MOSPD2: variants seen among roughly 807,000 people sequenced by gnomAD.
MOSPD2 encodes motile sperm domain containing 2, also known as motile sperm domain-containing protein 2.
A neutral mutation model predicts 41.7 loss-of-function variants in MOSPD2; 5 were observed. The ratio of observed to expected loss-of-function variants is 0.12; its 90% CI spans 0.06 to 0.25. The LOEUF (loss-of-function observed/expected upper bound fraction) is 0.25, where lower values mean the gene tolerates loss of function less well. Among genes scored for constraint, MOSPD2 ranks in the 10% least tolerant of loss-of-function variants. The probability of loss-of-function intolerance (pLI) is 1.00; values close to 1 mark genes in which losing one functional copy is unlikely to be tolerated. For missense variants in MOSPD2, 282 were observed against 375.2 expected, an observed-to-expected ratio of 0.75 and a Z score of 2.05; for synonymous variants, 115 against 126.9, an observed-to-expected ratio of 0.91 and a Z score of 0.63.
At chrX:14,886,546 CGAGAGAGAGAGA>C (rs138780913) in intron 2 of MOSPD2, among the ~76,000 whole-genome samples, 2,218 of 101,854 alleles carry the variant, frequency 0.022, 63 homozygotes, top group African/African-American at 0.074. Flanking sequence ...CGCACACACA[CGAGAGAGAGAGA>C]GAGAGAGAGA....
intron 2 of MOSPD2, among the ~76,000 whole-genome samples, chrX:14,882,612 A>G (rs753295427): frequency 5.4e-5 from 6 of 111,690 alleles, no homozygotes; most frequent in African/African-American, 1.9e-4. Flanking sequence ...ATTTTTGTCA[A>G]TTAAATTAAT....
At chrX:14,914,669 T>C in intron 11 of MOSPD2, 70 bp downstream of exon 11, 1 of 632,757 alleles carries the variant, frequency 1.6e-6, no homozygotes, top group Non-Finnish European at 2.4e-6. Flanking sequence ...AGACATATTC[T>C]AATTGAAAGA....
chrX:14,906,305 AT>A (rs1047128867), intron 7 of MOSPD2, among the ~76,000 whole-genome samples: 1 of 110,710 alleles, frequency 9.0e-6, no homozygotes, highest in African/African-American at 3.3e-5. Flanking sequence ...TGGTCAGTTG[AT>A]TTTTTTTTAC....
chrX:14,878,218 A>G (rs1319896302), intron 2 of MOSPD2, among the ~76,000 whole-genome samples: 2 of 111,500 alleles, frequency 1.8e-5, no homozygotes, highest in African/African-American at 6.5e-5. Context: ...TTATTTCCTT[A>G]AGATTCATGT....
At chrX:14,899,189 A>G (rs2092568236) in intron 5 of MOSPD2, among the ~76,000 whole-genome samples, 1 of 107,661 alleles carries the variant, frequency 9.3e-6, no homozygotes, top group South Asian at 3.9e-4. Flanking sequence ...AAACATCCTT[A>G]TAGAATGCTG....
At position 14,921,077 on chromosome X, in the gene MOSPD2, A is replaced by ATGAG. The variant is rs1482379243; in HGVS notation, c.*1270_*1273dup. On this transcript the variant is annotated 3_prime_UTR_variant, in exon 15 of 15. Transcript: ENST00000380492. The stretch of plus-strand genomic sequence containing the variant: ...ACCTTGCAGTAGCAGAGGCAATGAC[A>ATGAG]TGAGTTTGTTTTCTCATTAATATGA... 2 of 794,276 alleles carry ATGAG rather than the reference A, an allele frequency of 2.5e-6. No homozygotes were observed. Among genetic ancestry groups the ATGAG allele is most frequent in the Middle Eastern group, 6.5e-4 (1 of 1,533 alleles). 65.5% of individuals were successfully genotyped at this position (794,276 alleles called of 1,213,427 possible). A position where few individuals can be genotyped will look rare whatever the true frequency, so the allele number is the denominator to read the frequency against.
At chrX:14,876,695 G>A (rs777670443) in intron 2 of MOSPD2, among the ~76,000 whole-genome samples, 1 of 111,526 alleles carries the variant, frequency 9.0e-6, no homozygotes, top group South Asian at 3.7e-4. Flanking sequence ...CTCTTTATAT[G>A]CCTAATTCTG....
chrX:14,892,614 C>T, intron 2 of MOSPD2, 109 bp from the exon 3 acceptor site: 1 of 593,836 alleles, frequency 1.7e-6, no homozygotes, highest in Non-Finnish European at 2.7e-6. Flanking sequence ...AGTCTATCCT[C>T]AAATAGCTTA....
chrX:14,912,118 A>C (rs1481585319), intron 9 of MOSPD2, 131 bp from the exon 10 acceptor site: 4 of 331,811 alleles, frequency 1.2e-5, no homozygotes, highest in Non-Finnish European at 2.1e-5. Context: ...AAAAATTTAA[A>C]GACTCTTAAG....
chrX:14,919,776 T>C lies in MOSPD2; in HGVS notation c.1524T>C (p.Phe508=). The change falls in exon 15 of 15, where the codon TTT becomes TTC. Residue 508 remains phenylalanine (F), a synonymous_variant. Transcript: ENST00000380492. ...LLSLTMLLLA[F]VTSFFYLLYS ...CCTTAACAATGCTCTTGCTTGCTTT[T>C]GTCACCTCTTTCTTCTATTTATTGT... The C allele has an allele frequency of 8.3e-7, 1 of 1,210,413 alleles. No homozygotes were observed. The highest frequency in any genetic ancestry group is 1.1e-6 in the Non-Finnish European group (1 of 894,488).
In MOSPD2 at chrX:14,920,121, T is replaced by G. The variant is rs1188427661; in HGVS notation, c.*312T>G. 8.1e-6 allele frequency: 6 copies of G among 741,785 alleles called. No individual in the cohort carries two copies. In the African/African-American group the frequency reaches 9.1e-5, roughly 11 times the overall value. 61.1% of individuals were successfully genotyped at this position (741,785 alleles called of 1,213,427 possible). A position where few individuals can be genotyped will look rare whatever the true frequency, so the allele number is the denominator to read the frequency against. ...CTGAATACTTTTAAAGCTTAAGTTTTATCGTGTAAATACATTAGCTAAACT... is the reference window on the plus strand; with the variant it reads ...CTGAATACTTTTAAAGCTTAAGTTTGATCGTGTAAATACATTAGCTAAACT... On this transcript the variant is annotated 3_prime_UTR_variant, in exon 15 of 15. Transcript: ENST00000380492.
chrX:14,892,683 A>T (rs2092556163), intron 2 of MOSPD2, 40 bp from the exon 3 acceptor site: 1 of 1,099,814 alleles, frequency 9.1e-7, no homozygotes, highest in Admixed American at 2.4e-5. Flanking sequence ...TCACTGCAGA[A>T]TTAATCTGAC....
chrX:14,909,654 G>A (rs1288360134), intron 8 of MOSPD2, among the ~76,000 whole-genome samples: 3 of 111,286 alleles, frequency 2.7e-5, no homozygotes, highest in African/African-American at 9.8e-5. Context: ...TACAACTTAT[G>A]GACTTGGTAC....
intron 2 of MOSPD2, among the ~76,000 whole-genome samples, chrX:14,877,845 G>A (rs2092524074): frequency 9.3e-6 from 1 of 107,013 alleles, no homozygotes; most frequent in South Asian, 4.2e-4. Context: ...GCTGGGCGTG[G>A]TGGTGGGCAC....
chrX:14,894,602 C>A (rs1156662786), intron 3 of MOSPD2, among the ~76,000 whole-genome samples: 1 of 110,476 alleles, frequency 9.1e-6, no homozygotes, highest in Admixed American at 9.7e-5. Context: ...AGGCGTGAGC[C>A]ACCACACCCA....
intron 7 of MOSPD2, among the ~76,000 whole-genome samples, chrX:14,906,776 G>C (rs1253212617): frequency 8.9e-6 from 1 of 112,015 alleles, no homozygotes; most frequent in Non-Finnish European, 1.9e-5. Context: ...TGTAATCCTA[G>C]CACTTTGGGA....
chrX:14,890,327 T>C (rs1391710870), intron 2 of MOSPD2, among the ~76,000 whole-genome samples: 1 of 112,255 alleles, frequency 8.9e-6, no homozygotes, highest in African/African-American at 3.2e-5. Context: ...AAAACACTTC[T>C]GCATGCTAAG....
At chrX:14,908,621 G>C (rs1056726168) in intron 7 of MOSPD2, among the ~76,000 whole-genome samples, 2 of 111,570 alleles carry the variant, frequency 1.8e-5, no homozygotes, top group Non-Finnish European at 3.8e-5. Flanking sequence ...GTTTATTAAT[G>C]AACATCAGGG....
At chrX:14,894,387 G>T (rs111893287) in intron 3 of MOSPD2, among the ~76,000 whole-genome samples, 5,388 of 102,912 alleles carry the variant, frequency 0.052, 340 homozygotes, top group African/African-American at 0.17. Context: ...CGTGATCTCG[G>T]CTCACTACAA....
Sources: allele counts gnomAD v4.1 joint callset (sites outside exome capture counted in the v4.1 genomes callset), GRCh38; gene constraint gnomAD v4.1.1; transcripts MANE v1.5; gene names NCBI Gene and HGNC (gene_info 2026-07-23, HGNC 2026-07-21).